TLE2: variants seen among roughly 807,000 people sequenced by gnomAD.
TLE2 encodes transducin-like enhancer protein 2.
Under a neutral mutation model 97.2 loss-of-function variants are expected in TLE2, and 74 were observed. That is an observed-to-expected ratio of 0.76 (90% CI 0.63 to 0.92). The LOEUF is 0.92. TLE2 is among the 40% of genes least tolerant of loss of function. The pLI is 0.00. For missense variants in TLE2, 1,038 were observed against 1,008.7 expected (o/e 1.03, Z -0.39); for synonymous variants, 499 against 432.1 (o/e 1.15, Z -1.92).
chr19:3,021,720 T>A (rs77588387), intron 5 of TLE2, among the ~76,000 whole-genome samples: 2 of 151,662 alleles, frequency 1.3e-5, no homozygotes, highest in Admixed American at 1.3e-4. Context: ...GTAGGTGAGA[T>A]TACAGGTGCG....
intron 1 of TLE2, among the ~76,000 whole-genome samples, chr19:3,034,733 T>C (rs2090049942): frequency 6.6e-6 from 1 of 151,822 alleles, no homozygotes; most frequent in African/African-American, 2.4e-5. Flanking sequence ...CTGCTTGGTG[T>C]TGGTGGATAA....
chr19:3,027,902 C>T (rs1817486010), intron 3 of TLE2, 29 bp from the exon 4 acceptor site: 1 of 1,600,090 alleles, frequency 6.2e-7, no homozygotes, highest in African/African-American at 1.3e-5. Flanking sequence ...GTAAGAACGT[C>T]TAGGGTGGAG....
chr19:3,014,473 A>G (rs1361704089), intron 10 of TLE2, 97 bp downstream of exon 10: 1 of 1,178,834 alleles, frequency 8.5e-7, no homozygotes, highest in Non-Finnish European at 1.1e-6. Flanking sequence ...AGAGCGGGGA[A>G]CCAGGATCCC....
intron 1 of TLE2, among the ~76,000 whole-genome samples, chr19:3,042,441 T>A (rs930552141): frequency 2.3e-4 from 2 of 8,876 alleles, no homozygotes; most frequent in Admixed American, 1.4e-3. Context: ...CCTGGGTGGG[T>A]GGGAGAGGTT....
Position 3,005,876 on chromosome 19 carries a change from G to A in TLE2, c.1593C>T (p.Asp531=). The change falls in exon 16 of 20, where the codon GAC becomes GAT. Residue 531 remains aspartate, a synonymous_variant. Transcript: ENST00000262953. ...GGEASTLSIW[D]LAAPTPRIKA... ...TGATACGGGGGGTGGGCGCCGCCAG[G>A]TCCCAAATGGACAAGGTGCTGGCCT... 6.2e-7 allele frequency: 1 copy of A among 1,613,908 alleles called. No homozygotes were observed. Among genetic ancestry groups the A allele is most frequent in the Non-Finnish European group, 8.5e-7 (1 of 1,179,880 alleles).
chr19:2,997,763 C>G lies in TLE2; in HGVS notation c.*85G>C. On this transcript the variant is annotated 3_prime_UTR_variant, in exon 20 of 20. Coordinates refer to ENST00000262953, the MANE Select transcript of TLE2 (RefSeq NM_003260.5). The stretch of plus-strand genomic sequence containing the variant: ...TGGGATGTACGGTTCCTAGGCAGGG[C>G]TGGGAGGCGGCTGCTAGGATGTCTG... 1.0e-6 allele frequency: 1 copy of G among 975,890 alleles called. No individual in the cohort carries two copies. The highest frequency in any genetic ancestry group is 1.6e-6 in the Non-Finnish European group (1 of 626,496). 60.5% of individuals were successfully genotyped at this position (975,890 alleles called of 1,614,324 possible). A position where few individuals can be genotyped will look rare whatever the true frequency, so the allele number is the denominator to read the frequency against.
intron 17 of TLE2, among the ~76,000 whole-genome samples, chr19:3,003,142 CATTAAT>C (rs2089402276): frequency 6.6e-6 from 1 of 152,076 alleles, no homozygotes; most frequent in African/African-American, 2.4e-5. Context: ...CATGTCGAAT[CATTAAT>C]ATTAATCAGA....
rs763981136 is a variant in TLE2, at chr19:3,011,101, G to A, written c.933C>T (p.Asp311=). 3.8e-5 allele frequency: 62 copies of A among 1,610,872 alleles called. No individual in the cohort carries two copies. The highest frequency in any genetic ancestry group is 1.9e-4 in the Middle Eastern group (1 of 5,260). The change falls in exon 12 of 20, where the codon GAC becomes GAT. Residue 311 remains aspartate (D), a synonymous_variant. Coordinates refer to ENST00000262953, the MANE Select transcript of TLE2 (RefSeq NM_003260.5). ...SKSCDSSPPQ[D]ASTPGPSSAS... ...CCGAGCTGGGCCCGGGGGTGGAAGC[G>A]TCCTGGGGCGGGGAGGAGTCACAGG...
chr19:3,003,746 C>T (rs184820692), intron 17 of TLE2, among the ~76,000 whole-genome samples: 1 of 141,180 alleles, frequency 7.1e-6, no homozygotes, highest in East Asian at 2.1e-4. Flanking sequence ...GCTCTGTCGC[C>T]CAGGCTGGAG....
At chr19:3,043,364 C>CTTCTTTT (rs2090118369) in intron 1 of TLE2, among the ~76,000 whole-genome samples, 1 of 108,896 alleles carries the variant, frequency 9.2e-6, no homozygotes, top group Non-Finnish European at 1.8e-5. Context: ...CCTTCTGCAG[C>CTTCTTTT]TTTTTTTTTT....
In TLE2 at chr19:3,006,370, G is replaced by A. The variant is rs770694630; in HGVS notation, c.1500+50C>T. The A allele has an allele frequency of 8.8e-6, 14 of 1,582,846 alleles. No individual in the cohort carries two copies. The East Asian group carries it at 1.8e-4, about 20-fold the overall frequency. Reference sequence around the variant, plus strand: ...CGAACACCGCCCCATTGGAACATAAGCCCCACCCCTCACCTGTGAGTCCCG... The same window carrying A: ...CGAACACCGCCCCATTGGAACATAAACCCCACCCCTCACCTGTGAGTCCCG... On this transcript the variant is annotated intron_variant, in intron 15 of 19. Coordinates refer to ENST00000262953, the MANE Select transcript of TLE2 (RefSeq NM_003260.5).
At chr19:3,020,830 A>G (rs1244250570) in intron 5 of TLE2, among the ~76,000 whole-genome samples, 3 of 152,056 alleles carry the variant, frequency 2.0e-5, no homozygotes, top group African/African-American at 7.2e-5. Context: ...TCATGCCTGT[A>G]ATCACAGCAC....
chr19:2,997,846 T>G lies in TLE2; in HGVS notation c.*2A>C, dbSNP rs1291039767. 6.2e-7 allele frequency: 1 copy of G among 1,601,402 alleles called. No individual in the cohort carries two copies. Among genetic ancestry groups the G allele is most frequent in the African/African-American group, 1.3e-5 (1 of 74,790 alleles). On this transcript the variant is annotated 3_prime_UTR_variant, in exon 20 of 20. Coordinates refer to ENST00000262953, the MANE Select transcript of TLE2 (RefSeq NM_003260.5). ...TTCGGGTACAGGAAGGGGGGTCATG[T>G]CTCAGTAGACCACCTCATACACGGT...
intron 2 of TLE2, 80 bp downstream of exon 2, chr19:3,028,626 C>T (rs2089986926): frequency 1.3e-6 from 2 of 1,528,852 alleles, no homozygotes; most frequent in Non-Finnish European, 1.8e-6. Context: ...AGCCCCTCCT[C>T]CCCGCCCTAT....
chr19:3,006,834 G>A (rs2089490558), intron 14 of TLE2, among the ~76,000 whole-genome samples, 165 bp from the exon 15 acceptor site: 1 of 152,188 alleles, frequency 6.6e-6, no homozygotes, highest in Non-Finnish European at 1.5e-5. Flanking sequence ...CCAGGCTGGA[G>A]TGCAGTGGCC....
rs1488281092 is a variant in TLE2 at position 3,009,616 on chromosome 19, C to T, written c.1099G>A (p.Val367Met). ...SHSTLNGDLS[V>M]PSSYVSLHLS... Reference sequence around the variant, plus strand: ...TGGAGGCTGACGTAGGAGCTGGGCACGGAGAGGTCTCCGTTGAGAGTGCTG... The same window carrying T: ...TGGAGGCTGACGTAGGAGCTGGGCATGGAGAGGTCTCCGTTGAGAGTGCTG... The change falls in exon 13 of 20, where the codon GTG becomes ATG. Residue 367 changes from valine (V) to methionine (M), a missense_variant. Physicochemically the swap from Val to Met is conservative, Grantham distance 21. Coordinates refer to ENST00000262953, the MANE Select transcript of TLE2 (RefSeq NM_003260.5). The T allele has an allele frequency of 3.1e-6, 5 of 1,613,178 alleles. No individual in the cohort carries two copies. The highest frequency in any genetic ancestry group is 2.5e-6 in the Non-Finnish European group (3 of 1,179,662).
At chr19:3,032,479 C>T (rs1429339058), upstream of TLE2, among the ~76,000 whole-genome samples, 3 of 152,146 alleles carry the variant, frequency 2.0e-5, no homozygotes, top group African/African-American at 7.2e-5. This position sits in a 1 kb window ranked among gnomAD's most constrained non-coding sequence, Gnocchi z 4.1. Flanking sequence ...CTCAGATGAT[C>T]CACCCTCCTT....
chr19:3,024,945 C>A, intron 5 of TLE2, 75 bp downstream of exon 5: 1 of 1,344,990 alleles, frequency 7.4e-7, no homozygotes. Context: ...CCTGGGGCGT[C>A]CTCGCCCAGA....
At chr19:3,005,412 C>G (rs2145125260) in intron 17 of TLE2, 25 bp downstream of exon 17, 2 of 1,611,194 alleles carry the variant, frequency 1.2e-6, no homozygotes, top group Non-Finnish European at 1.7e-6. Flanking sequence ...GCTTCCATCC[C>G]CCTCCTGCCA....
Sources: gnomAD v4.1 joint callset for allele counts (sites outside exome capture counted in the v4.1 genomes callset) on GRCh38, gnomAD v4.1.1 for gene constraint, Gnocchi (gnomAD v3.1) non-coding constraint, MANE v1.5 for transcripts, NCBI Gene and HGNC (gene_info 2026-07-23, HGNC 2026-07-21) for gene names.